Variants in MITF observed in about 807,000 individuals in gnomAD.
MITF encodes the protein melanocyte inducing transcription factor.
MITF carries 17 observed loss-of-function variants against 60.5 expected under a neutral mutation model. The ratio of observed to expected loss-of-function variants is 0.28; its 90% confidence interval spans 0.19 to 0.42. The LOEUF is 0.42. MITF is among the 10% of genes least tolerant of loss of function. The pLI is 1.00. For missense variants in MITF, 622 were observed against 683.5 expected (o/e 0.91, Z 1.00); for synonymous variants, 260 against 248.5 (o/e 1.05, Z -0.43).
chr3:69,959,555 G>C lies in MITF; in HGVS notation c.1179+135G>C, dbSNP rs933206488. On this transcript the variant is annotated intron_variant, in intron 9 of 9. Coordinates refer to ENST00000352241, the MANE Select transcript of MITF (RefSeq NM_001354604.2). ...TCAATCCTTATTATTTGTGGATTCT[G>C]TGTGTGTGAATTTGCCTACTTGTAA... 7.5e-6 allele frequency: 9 copies of C among 1,194,546 alleles called. No homozygotes were observed. In the East Asian group the frequency reaches 1.8e-4, roughly 24 times the overall value. The allele number at this position is 1,194,546 out of a possible 1,614,324, so 74.0% of individuals were successfully genotyped here. A position where few individuals can be genotyped will look rare whatever the true frequency, so the allele number is the denominator to read the frequency against.
chr3:69,784,018 A>G (rs2062609104), intron 1 of MITF, among the ~76,000 whole-genome samples: 1 of 152,136 alleles, frequency 6.6e-6, no homozygotes, highest in Admixed American at 6.6e-5. Flanking sequence ...CAAATATATT[A>G]GAGACAACTA....
intron 2 of MITF, among the ~76,000 whole-genome samples, chr3:69,906,149 A>G (rs1270655159): frequency 1.3e-5 from 2 of 152,174 alleles, no homozygotes; most frequent in African/African-American, 2.4e-5. Context: ...GTTATAAAAC[A>G]TGAATTGAAG....
intron 2 of MITF, among the ~76,000 whole-genome samples, chr3:69,910,149 G>A (rs2065191877): frequency 2.0e-5 from 3 of 152,214 alleles, no homozygotes; most frequent in Non-Finnish European, 4.4e-5. Flanking sequence ...GCTGAAAGGG[G>A]CCAACATAGA....
At chr3:69,739,798 A>T (rs1289192470) in intron 1 of MITF, 97 bp downstream of exon 1, 6 of 899,352 alleles carry the variant, frequency 6.7e-6, no homozygotes, top group Non-Finnish European at 1.1e-5. Flanking sequence ...GAGCTCTGGG[A>T]CAAGGACCCA....
In MITF at chr3:69,967,186, G is replaced by A. The variant is rs3732398; in HGVS notation, c.*1938G>A. 48 of 232,440 alleles carry A rather than the reference G, an allele frequency of 2.1e-4. No individual in the cohort carries two copies. In the East Asian group the frequency reaches 2.4e-3, roughly 11 times the overall value. 14.4% of individuals were successfully genotyped at this position (232,440 alleles called of 1,614,324 possible). On this transcript the variant is annotated 3_prime_UTR_variant, in exon 10 of 10. Transcript: ENST00000352241. Reference sequence around the variant, plus strand: ...AACTGCATAGTTCCCATGCACGCTGGGCAATGAGAATCCTTGGAAACATTG... The same window carrying A: ...AACTGCATAGTTCCCATGCACGCTGAGCAATGAGAATCCTTGGAAACATTG...
chr3:69,766,355 G>A (rs1455145741), intron 1 of MITF, among the ~76,000 whole-genome samples: 2 of 142,930 alleles, frequency 1.4e-5, no homozygotes, highest in Non-Finnish European at 3.0e-5. Context: ...GATTACAGGT[G>A]TGCACCACCA....
intron 7 of MITF, 100 bp from the exon 8 acceptor site, chr3:69,956,355 A>G: frequency 1.1e-6 from 1 of 939,530 alleles, no homozygotes; most frequent in Non-Finnish European, 1.7e-6. Flanking sequence ...TTCCGTTGTC[A>G]TGACCTGGAG....
chr3:69,939,800 AT>A (rs2065928860), intron 4 of MITF, among the ~76,000 whole-genome samples: 1 of 152,182 alleles, frequency 6.6e-6, no homozygotes. Flanking sequence ...AGAGAAAAAA[AT>A]ATTTTAAAAA....
At chr3:69,848,149 G>C (rs940512346) in intron 1 of MITF, among the ~76,000 whole-genome samples, 4 of 152,204 alleles carry the variant, frequency 2.6e-5, no homozygotes, top group Non-Finnish European at 4.4e-5. Context: ...GCAGTCTGTT[G>C]GGTTCAGAGA....
At chr3:69,849,532 A>G (rs1033365642) in intron 1 of MITF, among the ~76,000 whole-genome samples, 2 of 152,230 alleles carry the variant, frequency 1.3e-5, no homozygotes, top group African/African-American at 4.8e-5. Context: ...CAGCCTGTGA[A>G]GTTGAGACTG....
At chr3:69,917,932 T>G (rs149376982) in intron 2 of MITF, among the ~76,000 whole-genome samples, 1 of 152,324 alleles carries the variant, frequency 6.6e-6, no homozygotes, top group African/African-American at 2.4e-5. Context: ...TCCACTTTGA[T>G]CAATAGAAAG....
chr3:69,844,509 A>G (rs1055071828), intron 1 of MITF, among the ~76,000 whole-genome samples: 3 of 152,248 alleles, frequency 2.0e-5, no homozygotes, highest in Non-Finnish European at 4.4e-5. Flanking sequence ...ACCTAAAACC[A>G]TAAAAACCCT....
intron 2 of MITF, among the ~76,000 whole-genome samples, chr3:69,899,126 A>G (rs2064941993): frequency 1.3e-5 from 2 of 152,340 alleles, no homozygotes; most frequent in African/African-American, 2.4e-5. Flanking sequence ...GAGTTCTCCA[A>G]CTAAGTGATC....
intron 2 of MITF, among the ~76,000 whole-genome samples, chr3:69,936,275 CA>C (rs2065832219): frequency 6.6e-6 from 1 of 152,116 alleles, no homozygotes; most frequent in Admixed American, 6.5e-5. Flanking sequence ...ATGTCTCCTC[CA>C]AAGGGGCATT....
intron 1 of MITF, among the ~76,000 whole-genome samples, chr3:69,798,499 A>G (rs1324170360): frequency 6.6e-6 from 1 of 152,244 alleles, no homozygotes; most frequent in Non-Finnish European, 1.5e-5. Context: ...TCAGCAAGTG[A>G]TAGCTGCTAC....
At chr3:69,866,522 TGACAAGGATAACAACTAATTTG>T (rs2064118660) in intron 1 of MITF, among the ~76,000 whole-genome samples, 1 of 116,974 alleles carries the variant, frequency 8.5e-6, no homozygotes, top group African/African-American at 3.4e-5. Flanking sequence ...TAGGTGGCTA[TGACAAGGATAACAACTAATTTG>T]GGGGTGGGGG....
intron 2 of MITF, among the ~76,000 whole-genome samples, chr3:69,897,478 G>A (rs975229982): frequency 1.3e-5 from 2 of 152,162 alleles, no homozygotes; most frequent in African/African-American, 4.8e-5. Flanking sequence ...GACAAACAAT[G>A]TCCATGGGCC....
rs2066713161 is a variant in MITF at position 69,967,303 on chromosome 3, C to T, written c.*2055C>T. ...ACCCCCTTAACTGTATAGCTCTTTTCCTAGAATAGTGACGCAAATCTGCAT... is the reference window on the plus strand; with the variant it reads ...ACCCCCTTAACTGTATAGCTCTTTTTCTAGAATAGTGACGCAAATCTGCAT... On this transcript the variant is annotated 3_prime_UTR_variant, in exon 10 of 10. Coordinates refer to ENST00000352241, the MANE Select transcript of MITF (RefSeq NM_001354604.2). 2 of 232,400 alleles carry T rather than the reference C, an allele frequency of 8.6e-6. No homozygotes were observed. The highest frequency in any genetic ancestry group is 1.1e-4 in the Admixed American group (2 of 17,718). The allele number at this position is 232,400 out of a possible 1,614,324, so 14.4% of individuals were successfully genotyped here.
At chr3:69,850,761 C>A (rs2063811155) in intron 1 of MITF, among the ~76,000 whole-genome samples, 1 of 152,200 alleles carries the variant, frequency 6.6e-6, no homozygotes, top group East Asian at 1.9e-4. Flanking sequence ...CCCAGACAGG[C>A]ACCCAGAATG....
Sources: gnomAD v4.1 joint callset for allele counts (sites outside exome capture counted in the v4.1 genomes callset) on GRCh38, gnomAD v4.1.1 for gene constraint, MANE v1.5 for transcripts, NCBI Gene and HGNC (gene_info 2026-07-23, HGNC 2026-07-21) for gene names.